LMF1: variants seen among roughly 807,000 people sequenced by gnomAD.
LMF1 encodes lipase maturation factor 1, also known as transmembrane protein 112.
LMF1 carries 68 observed loss-of-function variants against 60.6 expected under a neutral mutation model. That is an observed-to-expected ratio of 1.12 (90% CI 0.92 to 1.37). The LOEUF is 1.37. Ranked by LOEUF, LMF1 falls within the 40% of genes most tolerant of loss-of-function variation. The pLI is 0.00. For synonymous variants in LMF1, 418 were observed against 324.7 expected, an observed-to-expected ratio of 1.29 and a Z score of -3.09; for missense variants, 948 against 767.2, an observed-to-expected ratio of 1.24 and a Z score of -2.78.
chr16:861,726 G>A (rs1237759999), intron 10 of LMF1, among the ~76,000 whole-genome samples: 2 of 152,198 alleles, frequency 1.3e-5, no homozygotes, highest in Non-Finnish European at 2.9e-5. Context: ...GGCGTCATCT[G>A]TAAACAGGCA....
intron 4 of LMF1, among the ~76,000 whole-genome samples, chr16:909,662 C>G (rs117508202): frequency 6.6e-6 from 1 of 152,184 alleles, no homozygotes; most frequent in Non-Finnish European, 1.5e-5. Flanking sequence ...GTGGAGTCAT[C>G]GCTTCCTGAG....
At chr16:864,401 CCAGA>C (rs2069554711) in intron 10 of LMF1, among the ~76,000 whole-genome samples, 1 of 152,126 alleles carries the variant, frequency 6.6e-6, no homozygotes, top group South Asian at 2.1e-4. Context: ...CTGTGAGTGC[CCAGA>C]CAACTATCCT....
In LMF1 at chr16:897,406, G is replaced by A. The variant is rs992398878; in HGVS notation, c.664-4334C>T. ...CCGGCTAACGTGGTGTTTGAGGAGG[G>A]GGCGCCGCCAGGCCTCCCTCCGAGC... On this transcript the variant is annotated intron_variant, in intron 4 of 10. Transcript: ENST00000262301. This position sits in a 1 kb window ranked among gnomAD's most constrained non-coding sequence, Gnocchi z 4.3. Among the ~76,000 whole-genome samples the A allele has an allele frequency of 6.6e-6, 1 of 152,116 alleles. No individual in the cohort carries two copies. The highest frequency in any genetic ancestry group is 2.4e-5 in the African/African-American group (1 of 41,428).
chr16:898,387 T>G (rs1268664320), intron 4 of LMF1, among the ~76,000 whole-genome samples: 2 of 152,246 alleles, frequency 1.3e-5, no homozygotes, highest in African/African-American at 4.8e-5. Flanking sequence ...GCACTGACTT[T>G]CTGACCAATG....
intron 2 of LMF1, among the ~76,000 whole-genome samples, chr16:940,703 G>A (rs1317132517): frequency 5.9e-5 from 9 of 152,210 alleles, no homozygotes; most frequent in East Asian, 1.9e-4. Context: ...AACCGCAACC[G>A]TGTTAAACCT....
rs111427797 is a variant in LMF1 at position 863,826 on chromosome 16, C to A, written c.1529+5118G>T. Among the ~76,000 whole-genome samples, 1,037 of 152,262 alleles carry A rather than the reference C, an allele frequency of 6.8e-3. 17 individuals are homozygous for A. Among genetic ancestry groups the A allele is most frequent in the African/African-American group, 0.024 (1,002 of 41,536 alleles). ...GTCAGATTATTGATTTGAGATCCTTCCTCTTTCTAAAATCTCAGGTCTCTT... is the reference window on the plus strand; with the variant it reads ...GTCAGATTATTGATTTGAGATCCTTACTCTTTCTAAAATCTCAGGTCTCTT... On this transcript the variant is annotated intron_variant, in intron 10 of 10. Transcript: ENST00000262301.
intron 3 of LMF1, among the ~76,000 whole-genome samples, chr16:916,268 C>T (rs985478787): frequency 1.3e-5 from 2 of 152,146 alleles, no homozygotes; most frequent in Non-Finnish European, 2.9e-5. Context: ...AGCCACCATC[C>T]ACGTTAGAAA....
chr16:899,343 G>C (rs189115971), intron 4 of LMF1: 9 of 152,342 alleles, frequency 5.9e-5, no homozygotes. Flanking sequence ...CCTCCGTGCC[G>C]GAGTCAGAGG....
intron 2 of LMF1, among the ~76,000 whole-genome samples, chr16:935,044 G>C (rs1338977626): frequency 6.6e-6 from 1 of 152,208 alleles, no homozygotes; most frequent in African/African-American, 2.4e-5. Flanking sequence ...GAAATGTACG[G>C]AACAGGCCGG....
chr16:932,994 C>T (rs1382743323), intron 3 of LMF1: 1 of 151,722 alleles, frequency 6.6e-6, no homozygotes, highest in Non-Finnish European at 1.5e-5. Flanking sequence ...TCCCTTGATG[C>T]AGCCACAGGA....
At chr16:885,219 C>T (rs1468774916) in intron 5 of LMF1, 5 of 152,062 alleles carry the variant, frequency 3.3e-5, no homozygotes. Flanking sequence ...ACCCTAAAAC[C>T]ACCACACAAA....
intron 6 of LMF1, among the ~76,000 whole-genome samples, chr16:875,661 C>T (rs2069951271): frequency 6.6e-6 from 1 of 152,158 alleles, no homozygotes; most frequent in African/African-American, 2.4e-5. Context: ...ATCCTGAGCA[C>T]TCCCCACTGC....
At chr16:973,005 GC>G (rs1317964888), upstream of LMF1, among the ~76,000 whole-genome samples, 2 of 152,194 alleles carry the variant, frequency 1.3e-5, no homozygotes, top group African/African-American at 4.8e-5. Context: ...CTCTGGTCGT[GC>G]CCATTTCAGC....
At chr16:890,554 G>C (rs1470470178) in intron 5 of LMF1, among the ~76,000 whole-genome samples, 3 of 152,048 alleles carry the variant, frequency 2.0e-5, no homozygotes, top group Non-Finnish European at 4.4e-5. Context: ...GGATGTGGAT[G>C]ATAAGGGCCC....
chr16:904,062 C>A (rs1484004732), intron 4 of LMF1: 2 of 173,130 alleles, frequency 1.2e-5, no homozygotes, highest in Non-Finnish European at 2.1e-5. Context: ...GTGGTGGTGA[C>A]CTCTGCACTG....
At position 978,149 on chromosome 16, in the gene LMF1, T is replaced by TAC. The variant is rs144909608; in HGVS notation, c.-135+2994_-135+2995dup. On this transcript the variant is annotated intron_variant, in intron 1 of 6. Transcript: ENST00000570014. The stretch of plus-strand genomic sequence containing the variant: ...CACACCACACCACACACATACATCA[T>TAC]ACACACACACACACACCACACACCA... Among the ~76,000 whole-genome samples the TAC allele has an allele frequency of 3.3e-4, 41 of 124,308 alleles. 1 individual carries two copies. Among genetic ancestry groups the TAC allele is most frequent in the East Asian group, 2.0e-3 (8 of 3,956 alleles). The allele number at this position is 124,308 out of a possible 152,430, so 81.6% of individuals were successfully genotyped here. A position where few individuals can be genotyped will look rare whatever the true frequency, so the allele number is the denominator to read the frequency against.
chr16:895,593 C>T (rs1374485710), intron 4 of LMF1, among the ~76,000 whole-genome samples: 2 of 152,148 alleles, frequency 1.3e-5, no homozygotes, highest in Non-Finnish European at 2.9e-5. Flanking sequence ...CCAATTCCAA[C>T]GTGTTTGGAA....
chr16:865,402 G>A (rs557138613), intron 10 of LMF1, among the ~76,000 whole-genome samples: 1 of 152,142 alleles, frequency 6.6e-6, no homozygotes, highest in Non-Finnish European at 1.5e-5. Context: ...CCAGGCTGGA[G>A]GGCAACGGTG....
rs1044315081 is a variant in LMF1, at chr16:976,808, C to G, written c.-135+4337G>C. The G allele has an allele frequency of 8.8e-5, 40 of 454,156 alleles. 1 individual carries two copies. The highest frequency in any genetic ancestry group is 6.6e-4 in the African/African-American group (33 of 50,132). The allele number at this position is 454,156 out of a possible 1,614,324, so 28.1% of individuals were successfully genotyped here. ...ACTGGGGAGAGAGCAGTGCTGGTCT[C>G]CACGCTTTGGGCATCGCCTGCTCCC... On this transcript the variant is annotated intron_variant, in intron 1 of 6. Coordinates refer to the LMF1 transcript ENST00000570014.
Sources: gnomAD v4.1 joint callset for allele counts (sites outside exome capture counted in the v4.1 genomes callset) on GRCh38, gnomAD v4.1.1 for gene constraint, Gnocchi (gnomAD v3.1) non-coding constraint, MANE v1.5 for transcripts, NCBI Gene and HGNC (gene_info 2026-07-23, HGNC 2026-07-21) for gene names.